The following FAM13C variants were observed in gnomAD, a reference collection of about 807,000 sequenced individuals.
FAM13C encodes protein FAM13C.
Under a neutral mutation model 73.2 loss-of-function variants are expected in FAM13C, and 37 were observed. That is an observed-to-expected ratio of 0.51 (90% CI 0.39 to 0.67). The LOEUF (loss-of-function observed/expected upper bound fraction) is 0.67. Among genes scored for constraint, FAM13C ranks in the 30% least tolerant of loss-of-function variants. FAM13C has a pLI of 0.00. For missense variants in FAM13C, 589 were observed against 715.6 expected (o/e 0.82, Z 2.02); for synonymous variants, 246 against 260.9 (o/e 0.94, Z 0.55).
At position 59,313,122 on chromosome 10, in the gene FAM13C, TG is replaced by T. The variant is rs1849126795; in HGVS notation, c.444-10259del. ...CAAAACTTGAGGGGGAATGAAAAGC[TG>T]TTGTATTAGCGTGGGATCATCCAGT... On this transcript the variant is annotated intron_variant, in intron 4 of 13. Transcript: ENST00000618804. Among the ~76,000 whole-genome samples, 6 of 152,320 alleles carry T rather than the reference TG, an allele frequency of 3.9e-5. No individual in the cohort carries two copies. The South Asian group carries it at 1.2e-3, about 32-fold the overall frequency.
intron 3 of FAM13C, among the ~76,000 whole-genome samples, chr10:59,337,287 T>A (rs1229240336): frequency 6.6e-6 from 1 of 152,246 alleles, no homozygotes; most frequent in Non-Finnish European, 1.5e-5. Context: ...CTATAGGGCT[T>A]GGAGACCCTT....
chr10:59,323,251 T>C (rs1850579576), intron 4 of FAM13C: 1 of 152,338 alleles, frequency 6.6e-6, no homozygotes. Flanking sequence ...TCTGTTTATT[T>C]CCAGAAGAGA....
At chr10:59,323,831 G>T (rs1203112435) in intron 4 of FAM13C, among the ~76,000 whole-genome samples, 157 bp downstream of exon 4, 1 of 152,154 alleles carries the variant, frequency 6.6e-6, no homozygotes. Flanking sequence ...CTCACTCAGC[G>T]ATTCCTCTTC....
chr10:59,330,546 A>T (rs1409828825), intron 3 of FAM13C, among the ~76,000 whole-genome samples: 1 of 152,146 alleles, frequency 6.6e-6, no homozygotes, highest in Non-Finnish European at 1.5e-5. Context: ...GAAGTGAGGG[A>T]GATTCATAAA....
At chr10:59,274,726 G>T (rs1252260891) in intron 6 of FAM13C, among the ~76,000 whole-genome samples, 1 of 152,166 alleles carries the variant, frequency 6.6e-6, no homozygotes, top group Non-Finnish European at 1.5e-5. Flanking sequence ...CAATCTCATT[G>T]AATTTGAGCA....
intron 1 of FAM13C, chr10:59,360,946 T>C (rs1243285045): frequency 2.4e-5 from 26 of 1,105,318 alleles, no homozygotes; most frequent in Non-Finnish European, 3.2e-5. Flanking sequence ...TGACCGAGGA[T>C]TTGGCCACAC....
intron 10 of FAM13C, among the ~76,000 whole-genome samples, chr10:59,259,447 G>A (rs1011358741): frequency 1.5e-4 from 23 of 152,142 alleles, no homozygotes; most frequent in Non-Finnish European, 5.9e-5. Flanking sequence ...GCTCATTGAG[G>A]AGTTAGAAAT....
intron 7 of FAM13C, 92 bp downstream of exon 7, chr10:59,269,807 T>C (rs1843494771): frequency 7.0e-7 from 1 of 1,430,312 alleles, no homozygotes; most frequent in Non-Finnish European, 9.6e-7. Flanking sequence ...CAGGCACATT[T>C]GTGCTACTTC....
chr10:59,250,627 A>T (rs913486486), intron 13 of FAM13C, among the ~76,000 whole-genome samples: 1 of 152,188 alleles, frequency 6.6e-6, no homozygotes, highest in Admixed American at 6.5e-5. Context: ...TTCCATCAGG[A>T]CAACCCTCAA....
chr10:59,292,297 C>T (rs1238118007), intron 5 of FAM13C, among the ~76,000 whole-genome samples: 3 of 152,160 alleles, frequency 2.0e-5, no homozygotes, highest in African/African-American at 7.2e-5. Flanking sequence ...TAATTAAATC[C>T]CAAGGGCTGA....
chr10:59,329,565 G>C (rs1851686886), intron 3 of FAM13C, among the ~76,000 whole-genome samples: 8 of 151,794 alleles, frequency 5.3e-5, no homozygotes, highest in Non-Finnish European at 1.5e-5. Context: ...CACCAGGTTG[G>C]CCAGTCTGGT....
chr10:59,362,105 T>A (rs2041927265), intron 1 of FAM13C, among the ~76,000 whole-genome samples: 1 of 152,078 alleles, frequency 6.6e-6, no homozygotes, highest in Non-Finnish European at 1.5e-5. Context: ...TCCTAACACA[T>A]CAAATGGATT....
At chr10:59,253,601 C>T (rs1841625213) in intron 11 of FAM13C, 1 of 152,400 alleles carries the variant, frequency 6.6e-6, no homozygotes. Flanking sequence ...TTAAATTATG[C>T]TTCCATAAAG....
At chr10:59,266,430 A>C (rs1203322629) in intron 8 of FAM13C, among the ~76,000 whole-genome samples, 4 of 152,186 alleles carry the variant, frequency 2.6e-5, no homozygotes, top group African/African-American at 9.6e-5. Context: ...GGGTGGTATG[A>C]ATTCCACAGT....
At chr10:59,251,870 T>C (rs1178778981) in intron 12 of FAM13C, among the ~76,000 whole-genome samples, 194 bp from the exon 13 acceptor site, 3 of 151,872 alleles carry the variant, frequency 2.0e-5, no homozygotes, top group Non-Finnish European at 2.9e-5. Context: ...AATTACCTGA[T>C]GGAAAAAATA....
At chr10:59,286,504 G>T (rs1262890489) in intron 5 of FAM13C, among the ~76,000 whole-genome samples, 4 of 101,592 alleles carry the variant, frequency 3.9e-5, no homozygotes, top group Non-Finnish European at 7.7e-5. Context: ...AACAGAGCAA[G>T]ACTCCATCTC....
intron 8 of FAM13C, among the ~76,000 whole-genome samples, chr10:59,266,602 C>T (rs748089465): frequency 6.6e-5 from 10 of 152,170 alleles, no homozygotes; most frequent in South Asian, 2.1e-4. Context: ...ACTGAAGCAG[C>T]GGTGACCAAG....
At chr10:59,323,197 A>C (rs1427009036) in intron 4 of FAM13C, 2 of 152,274 alleles carry the variant, frequency 1.3e-5, no homozygotes, top group Non-Finnish European at 2.9e-5. Context: ...TGTACACAAG[A>C]TCCTACAAAG....
intron 4 of FAM13C, among the ~76,000 whole-genome samples, chr10:59,311,310 T>C (rs1749910704): frequency 1.3e-5 from 2 of 152,070 alleles, no homozygotes; most frequent in African/African-American, 2.4e-5. Flanking sequence ...CTGTGAACCA[T>C]AAAGAACACA....
Sources: gnomAD v4.1 joint callset for allele counts (sites outside exome capture counted in the v4.1 genomes callset) on GRCh38, gnomAD v4.1.1 for gene constraint, MANE v1.5 for transcripts, NCBI Gene and HGNC (gene_info 2026-07-23, HGNC 2026-07-21) for gene names.